PRKCB: variants seen among roughly 807,000 people sequenced by gnomAD.
PRKCB encodes protein kinase C beta.
Under a neutral mutation model 81.5 loss-of-function variants are expected in PRKCB, and 13 were observed. That is an observed-to-expected ratio of 0.16 (90% CI 0.10 to 0.25). PRKCB has a LOEUF of 0.25. Among genes scored for constraint, PRKCB ranks in the 10% least tolerant of loss-of-function variants. The pLI is 1.00. For missense variants in PRKCB, 509 were observed against 875.7 expected (o/e 0.58, Z 5.29); for synonymous variants, 335 against 321.4 (o/e 1.04, Z -0.45).
At chr16:24,038,738 AC>A (rs1965658285) in intron 5 of PRKCB, among the ~76,000 whole-genome samples, 1 of 152,280 alleles carries the variant, frequency 6.6e-6, no homozygotes, top group Admixed American at 6.5e-5. Context: ...AAGTGAAGGA[AC>A]CATGCTTCCT....
chr16:24,134,051 A>G (rs1051659828), intron 9 of PRKCB, among the ~76,000 whole-genome samples: 9 of 151,890 alleles, frequency 5.9e-5, no homozygotes, highest in Non-Finnish European at 1.3e-4. Context: ...ACATGCCACC[A>G]CACCCAGCTA....
At chr16:23,962,049 C>T (rs757831711) in intron 2 of PRKCB, among the ~76,000 whole-genome samples, 8 of 152,068 alleles carry the variant, frequency 5.3e-5, no homozygotes, top group Non-Finnish European at 8.8e-5. Flanking sequence ...GTTCATACTC[C>T]GCATCTCTGG....
At chr16:23,998,705 T>C (rs980112575) in intron 3 of PRKCB, among the ~76,000 whole-genome samples, 1 of 152,198 alleles carries the variant, frequency 6.6e-6, no homozygotes, top group Admixed American at 6.5e-5. Flanking sequence ...TGGCAAGAGC[T>C]ATATATGTGA....
intron 2 of PRKCB, among the ~76,000 whole-genome samples, chr16:23,952,182 T>C (rs1964292856): frequency 6.6e-6 from 1 of 152,076 alleles, no homozygotes; most frequent in African/African-American, 2.4e-5. Context: ...GCTGCAGAGA[T>C]GGGAGTGAGT....
At chr16:23,875,115 C>T (rs923665594) in intron 2 of PRKCB, among the ~76,000 whole-genome samples, 37 of 150,050 alleles carry the variant, frequency 2.5e-4, no homozygotes, top group African/African-American at 8.3e-4. Context: ...GGACTCAATG[C>T]AACCTCGACT....
intron 2 of PRKCB, among the ~76,000 whole-genome samples, chr16:23,982,786 G>A (rs1194960418): frequency 4.6e-5 from 7 of 152,182 alleles, no homozygotes; most frequent in South Asian, 4.1e-4. Flanking sequence ...GGATAGAGCC[G>A]GAGACATCTT....
chr16:24,057,014 T>C (rs1424942160), intron 5 of PRKCB, among the ~76,000 whole-genome samples: 1 of 152,192 alleles, frequency 6.6e-6, no homozygotes, highest in Non-Finnish European at 1.5e-5. Flanking sequence ...TGATTATTTA[T>C]GGCCACTAAA....
At chr16:24,035,938 G>A (rs895809381) in intron 5 of PRKCB, among the ~76,000 whole-genome samples, 2 of 152,138 alleles carry the variant, frequency 1.3e-5, no homozygotes, top group Admixed American at 6.5e-5. Flanking sequence ...GAGAAGGGAA[G>A]CTTGCTTCTT....
At chr16:24,193,463 A>ATAAAT (rs1444999333) in intron 16 of PRKCB, among the ~76,000 whole-genome samples, 4 of 91,122 alleles carry the variant, frequency 4.4e-5, no homozygotes, top group African/African-American at 1.4e-4. Context: ...AAATAAATAA[A>ATAAAT]TAAATAAATA....
chr16:24,073,706 G>T (rs115937068), intron 5 of PRKCB, among the ~76,000 whole-genome samples: 2,748 of 152,208 alleles, frequency 0.018, 84 homozygotes, highest in African/African-American at 0.064. Context: ...TTAACACCTC[G>T]ATAAACGATG....
chr16:24,172,720 G>C (rs1967462542), intron 11 of PRKCB, among the ~76,000 whole-genome samples: 1 of 152,064 alleles, frequency 6.6e-6, no homozygotes, highest in Non-Finnish European at 1.5e-5. Flanking sequence ...GTGGCGCACA[G>C]CTGTAGTCTC....
chr16:23,997,409 A>G (rs1964974062), intron 3 of PRKCB, among the ~76,000 whole-genome samples: 1 of 152,240 alleles, frequency 6.6e-6, no homozygotes. Context: ...GGTTTGGGTC[A>G]CCCTGCCAGG....
intron 16 of PRKCB, among the ~76,000 whole-genome samples, chr16:24,195,970 C>G (rs1280311727): frequency 6.6e-6 from 1 of 152,170 alleles, no homozygotes; most frequent in Middle Eastern, 3.2e-3. Context: ...ATGCTCTCAC[C>G]AGCCCCCTGA....
At chr16:23,920,797 C>T (rs879466323) in intron 2 of PRKCB, among the ~76,000 whole-genome samples, 3 of 152,150 alleles carry the variant, frequency 2.0e-5, no homozygotes, top group African/African-American at 4.8e-5. Context: ...CAGAAGTGTT[C>T]GGCTCCACCC....
chr16:24,022,999 G>GGCCT (rs1224106597), intron 3 of PRKCB, among the ~76,000 whole-genome samples: 2 of 152,202 alleles, frequency 1.3e-5, no homozygotes, highest in Non-Finnish European at 2.9e-5. Context: ...TAGTCAGTGT[G>GGCCT]GCCTGGGTGA....
At chr16:24,013,010 C>A (rs1195140324) in intron 3 of PRKCB, among the ~76,000 whole-genome samples, 2 of 152,224 alleles carry the variant, frequency 1.3e-5, no homozygotes, top group Non-Finnish European at 2.9e-5. Context: ...AATGCAGTGT[C>A]TGCACCCATT....
chr16:24,126,846 A>ATT (rs199716519), intron 9 of PRKCB, among the ~76,000 whole-genome samples: 1 of 150,768 alleles, frequency 6.6e-6, no homozygotes, highest in African/African-American at 2.4e-5. Context: ...TAATTTTTGT[A>ATT]TTTTTTTGTA....
At chr16:23,869,499 A>G (rs1312730797) in intron 2 of PRKCB, among the ~76,000 whole-genome samples, 2 of 152,136 alleles carry the variant, frequency 1.3e-5, no homozygotes, top group African/African-American at 2.4e-5. Flanking sequence ...TCCCAATCCT[A>G]TCCATGGTCT....
In PRKCB at chr16:24,219,783, G is replaced by A; in HGVS notation, c.*4967G>A. On this transcript the variant is annotated 3_prime_UTR_variant, in exon 17 of 17. Coordinates refer to ENST00000643927, the MANE Select transcript of PRKCB (RefSeq NM_002738.7). Reference sequence around the variant, plus strand: ...ATTTCCACCACATTTCTATCCCCAAGCCAACATACAATGTGAAATGAAAGC... The same window carrying A: ...ATTTCCACCACATTTCTATCCCCAAACCAACATACAATGTGAAATGAAAGC... 1.4e-6 allele frequency: 2 copies of A among 1,400,186 alleles called. No individual in the cohort carries two copies. The highest frequency in any genetic ancestry group is 5.2e-5 in the East Asian group (2 of 38,592). 86.7% of individuals were successfully genotyped at this position (1,400,186 alleles called of 1,614,324 possible).
Sources: allele counts gnomAD v4.1 joint callset (sites outside exome capture counted in the v4.1 genomes callset), GRCh38; gene constraint gnomAD v4.1.1; transcripts MANE v1.5; gene names NCBI Gene and HGNC (gene_info 2026-07-23, HGNC 2026-07-21).